RYR2: variants seen among roughly 807,000 people sequenced by gnomAD.
RYR2 encodes the protein ryanodine receptor 2.
A neutral mutation model predicts 601.1 loss-of-function variants in RYR2; 227 were observed. The ratio of observed to expected loss-of-function variants is 0.38; its 90% CI spans 0.34 to 0.42. The LOEUF is 0.42. Ranked by LOEUF, RYR2 falls within the 10% of genes least tolerant of loss-of-function variation. The probability of loss-of-function intolerance (pLI) is 1.00; values close to 1 mark genes in which losing one functional copy is unlikely to be tolerated. For synonymous variants in RYR2, 2,223 were observed against 2,175.1 expected (o/e 1.02, Z -0.61); for missense variants, 4,646 against 6,156.5 (o/e 0.75, Z 8.21).
chr1:237,294,484 C>T (rs1373531963), intron 2 of RYR2, among the ~76,000 whole-genome samples: 3 of 151,362 alleles, frequency 2.0e-5, no homozygotes, highest in Non-Finnish European at 4.4e-5. Context: ...AATACAGTGG[C>T]TTTAATTCAT....
intron 1 of RYR2, among the ~76,000 whole-genome samples, chr1:237,097,695 A>G (rs1667634299): frequency 6.6e-6 from 1 of 152,200 alleles, no homozygotes; most frequent in Non-Finnish European, 1.5e-5. Flanking sequence ...CTTAAGTAAA[A>G]TACTCCATTG....
chr1:237,441,274 AT>A (rs1001693749), intron 12 of RYR2, 44 bp from the exon 13 acceptor site: 1 of 1,609,826 alleles, frequency 6.2e-7, no homozygotes, highest in Admixed American at 1.7e-5. Flanking sequence ...ATACACTAGT[AT>A]TTTTGAAATG....
chr1:237,792,602 CCCCTTCAGGGCTGT>C (rs1408155607), intron 94 of RYR2, among the ~76,000 whole-genome samples: 1 of 152,106 alleles, frequency 6.6e-6, no homozygotes. Flanking sequence ...AGCTGGGATG[CCCCTTCAGGGCTGT>C]CCTGGCCTGG....
rs368648602 is a variant in RYR2 at position 237,500,695 on chromosome 1, G to T, written c.2204-16G>T. The T allele has an allele frequency of 4.1e-4, 650 of 1,568,528 alleles. 6 individuals carry two copies. The African/African-American group carries it at 8.2e-3, about 20-fold the overall frequency. ...AAAAAAATACATGACCTTCCTTAAT[G>T]TTTTCCCCCCAATAGGTTGTATTGC... On this transcript the variant is annotated splice_polypyrimidine_tract_variant and intron_variant, in intron 20 of 104. Coordinates refer to ENST00000366574, the MANE Select transcript of RYR2 (RefSeq NM_001035.3).
chr1:237,678,679 A>G (rs1685607916), intron 61 of RYR2, among the ~76,000 whole-genome samples: 1 of 152,158 alleles, frequency 6.6e-6, no homozygotes, highest in Non-Finnish European at 1.5e-5. Flanking sequence ...TTTTCAGCCA[A>G]AAAGGGATGG....
chr1:237,819,252 A>C lies in RYR2; in HGVS notation c.14590+60A>C. The C allele has an allele frequency of 6.7e-7, 1 of 1,497,124 alleles. No individual in the cohort carries two copies. The highest frequency in any genetic ancestry group is 9.2e-7 in the Non-Finnish European group (1 of 1,081,138). The allele number at this position is 1,497,124 out of a possible 1,614,324, so 92.7% of individuals were successfully genotyped here. ...TAGAATTTGAGCCACATGTTGCTGAAGTTAATATTCAAGGTAGGGTAATGA... is the reference window on the plus strand; with the variant it reads ...TAGAATTTGAGCCACATGTTGCTGACGTTAATATTCAAGGTAGGGTAATGA... On this transcript the variant is annotated intron_variant, in intron 101 of 104. Coordinates refer to ENST00000366574, the MANE Select transcript of RYR2 (RefSeq NM_001035.3). This position sits in a 1 kb window ranked among gnomAD's most constrained non-coding sequence, Gnocchi z 4.0.
At chr1:237,500,993 A>G in intron 21 of RYR2, 90 bp downstream of exon 21, 1 of 1,263,562 alleles carries the variant, frequency 7.9e-7, no homozygotes, top group Non-Finnish European at 1.1e-6. Context: ...CTTCTTCTCT[A>G]ACCATTGTTT....
At chr1:237,694,113 T>G (rs1311286359) in intron 63 of RYR2, among the ~76,000 whole-genome samples, 1 of 151,674 alleles carries the variant, frequency 6.6e-6, no homozygotes, top group Admixed American at 6.6e-5. Flanking sequence ...GCTAACAAGG[T>G]GAAACCCCGT....
intron 41 of RYR2, among the ~76,000 whole-genome samples, chr1:237,629,808 A>G (rs1290222246): frequency 6.6e-6 from 1 of 152,166 alleles, no homozygotes; most frequent in African/African-American, 2.4e-5. Context: ...ACAATATTGC[A>G]TATTGCTCAT....
At chr1:237,669,328 TC>T (rs914962109) in intron 58 of RYR2, among the ~76,000 whole-genome samples, 1 of 151,856 alleles carries the variant, frequency 6.6e-6, no homozygotes, top group Non-Finnish European at 1.5e-5. Context: ...TCCCCACCTT[TC>T]CCCCCTCTCT....
Position 237,666,518 on chromosome 1 carries a change from G to A in RYR2, c.8443G>A (p.Val2815Met), listed in dbSNP as rs764241934. ...RRISQTSQVS[V>M]DAAHGYSPRA... ...TTTCACACAAATGATCTAGGTTTCT[G>A]TGGACGCTGCCCATGGTTACAGTCC... is the stretch of plus-strand genomic sequence containing the variant. Residue 2815 changes from valine to methionine, a missense_variant, in exon 57 of 105, where the codon GTG becomes ATG. Coordinates refer to ENST00000366574, the MANE Select transcript of RYR2 (RefSeq NM_001035.3). 1.9e-6 allele frequency: 3 copies of A among 1,611,432 alleles called. No individual in the cohort carries two copies. The African/African-American group carries it at 4.0e-5, about 22-fold the overall frequency.
chr1:237,253,610 T>G (rs991684458), intron 1 of RYR2, among the ~76,000 whole-genome samples: 1 of 152,250 alleles, frequency 6.6e-6, no homozygotes, highest in Non-Finnish European at 1.5e-5. Context: ...GTAAACTGAA[T>G]GAAAACAGCA....
At chr1:237,557,407 TCATG>T (rs1296877211) in intron 27 of RYR2, among the ~76,000 whole-genome samples, 1 of 152,192 alleles carries the variant, frequency 6.6e-6, no homozygotes, top group Non-Finnish European at 1.5e-5. Context: ...TCAATCGGGT[TCATG>T]CATTTCAGGC....
At position 237,454,312 on chromosome 1, in the gene RYR2, G is replaced by A. The variant is rs75144658; in HGVS notation, c.1293-79G>A. 49,324 of 1,407,238 alleles carry A rather than the reference G, an allele frequency of 0.035. 1,040 individuals are homozygous for A. Among genetic ancestry groups the A allele is most frequent in the Non-Finnish European group, 0.042 (44,235 of 1,041,080 alleles). 87.2% of individuals were successfully genotyped at this position (1,407,238 alleles called of 1,614,324 possible). A position where few individuals can be genotyped will look rare whatever the true frequency, so the allele number is the denominator to read the frequency against. ...CAGTGATGTAGGGAGAGAGATTAAT[G>A]CCTGAAATCATCTATAAATGGAAAA... is the stretch of plus-strand genomic sequence containing the variant. On this transcript the variant is annotated intron_variant, in intron 14 of 104. Transcript: ENST00000366574.
chr1:237,300,109 C>A (rs1693203991), intron 2 of RYR2, among the ~76,000 whole-genome samples: 1 of 152,116 alleles, frequency 6.6e-6, no homozygotes, highest in Non-Finnish European at 1.5e-5. Flanking sequence ...CGGTACAAGT[C>A]ACCTGATATG....
chr1:237,229,196 G>T (rs1019594931), intron 1 of RYR2, among the ~76,000 whole-genome samples: 2 of 152,136 alleles, frequency 1.3e-5, no homozygotes, highest in Non-Finnish European at 2.9e-5. Flanking sequence ...TGGTTGAGGG[G>T]ATAAACCTGG....
At chr1:237,149,297 A>C (rs1674424576) in intron 1 of RYR2, among the ~76,000 whole-genome samples, 1 of 133,434 alleles carries the variant, frequency 7.5e-6, no homozygotes, top group Non-Finnish European at 1.7e-5. Context: ...CGTCTCTACA[A>C]AAAACAAACA....
At chr1:237,511,843 A>AG in intron 24 of RYR2, 52 bp downstream of exon 24, 1 of 949,464 alleles carries the variant, frequency 1.1e-6, no homozygotes, top group Non-Finnish European at 1.4e-6. Flanking sequence ...TGAAAAAAAA[A>AG]AAAAAAAAAA....
intron 17 of RYR2, among the ~76,000 whole-genome samples, chr1:237,489,995 G>A (rs538164242): frequency 1.9e-4 from 29 of 152,268 alleles, no homozygotes; most frequent in African/African-American, 4.6e-4. Flanking sequence ...AGAATACCAC[G>A]CAGCCATAAT....
Sources: gnomAD v4.1 joint callset for allele counts (sites outside exome capture counted in the v4.1 genomes callset) on GRCh38, gnomAD v4.1.1 for gene constraint, Gnocchi (gnomAD v3.1) non-coding constraint, MANE v1.5 for transcripts, NCBI Gene and HGNC (gene_info 2026-07-23, HGNC 2026-07-21) for gene names.